The following SLAIN1 variants were observed in gnomAD, a reference collection of about 807,000 sequenced individuals.
The protein encoded by SLAIN1 is SLAIN family member 1.
A neutral mutation model predicts 55.4 loss-of-function variants in SLAIN1; 17 were observed. That is an observed-to-expected ratio of 0.31 (90% CI 0.21 to 0.46). The LOEUF is 0.46. Ranked by LOEUF, SLAIN1 falls within the 20% of genes least tolerant of loss-of-function variation. The probability of loss-of-function intolerance (pLI) is 1.00; values close to 1 mark genes in which losing one functional copy is unlikely to be tolerated. For synonymous variants in SLAIN1, 348 were observed against 337.4 expected (o/e 1.03, Z -0.35); for missense variants, 682 against 785.1 (o/e 0.87, Z 1.57).
At chr13:77,745,345 C>G (rs971920497) in intron 3 of SLAIN1, among the ~76,000 whole-genome samples, 2 of 151,980 alleles carry the variant, frequency 1.3e-5, no homozygotes, top group Non-Finnish European at 2.9e-5. Flanking sequence ...AATGTTACCA[C>G]TGGGGGAAAC....
intron 1 of SLAIN1, among the ~76,000 whole-genome samples, chr13:77,700,866 A>G (rs1308052315): frequency 2.0e-5 from 3 of 152,190 alleles, no homozygotes; most frequent in Non-Finnish European, 4.4e-5. Flanking sequence ...AAACTAAAAC[A>G]TAGATGTAGG....
Position 77,698,126 on chromosome 13 carries a change from C to G in SLAIN1, c.213C>G (p.Pro71=). Residue 71 remains proline, a synonymous_variant, in exon 1 of 7, where the codon CCC becomes CCG. Transcript: ENST00000418532. The surrounding 1 kb of genome is among the most constrained non-coding windows in gnomAD (Gnocchi z 4.1). ...CGCCGCCGCCGCCCGCCGCGCCGCC[C>G]CCCGCTGGCCTGCAGCCTTTGGGTC... ...LLPPPPPAAP[P]PAGLQPLGPR... 6 of 988,064 alleles carry G rather than the reference C, an allele frequency of 6.1e-6. No individual in the cohort carries two copies. Among genetic ancestry groups the G allele is most frequent in the Non-Finnish European group, 7.0e-6 (6 of 861,692 alleles). The allele number at this position is 988,064 out of a possible 1,614,324, so 61.2% of individuals were successfully genotyped here.
At chr13:77,717,510 CT>C (rs1312083455) in intron 1 of SLAIN1, among the ~76,000 whole-genome samples, 2 of 151,918 alleles carry the variant, frequency 1.3e-5, no homozygotes, top group African/African-American at 4.8e-5. Context: ...TTACTTTTAA[CT>C]TATTTGTTTG....
At chr13:77,714,176 A>C (rs2091183052) in intron 1 of SLAIN1, among the ~76,000 whole-genome samples, 1 of 110,376 alleles carries the variant, frequency 9.1e-6, no homozygotes, top group Non-Finnish European at 1.8e-5. Flanking sequence ...TATAGTAATA[A>C]AAAAATAAGG....
intron 2 of SLAIN1, among the ~76,000 whole-genome samples, chr13:77,736,431 C>T (rs1056626087): frequency 5.9e-5 from 9 of 151,994 alleles, no homozygotes; most frequent in African/African-American, 2.2e-4. Flanking sequence ...TTTCTTTTTC[C>T]TTAGACTCTT....
chr13:77,734,312 C>A (rs374894892), intron 2 of SLAIN1, among the ~76,000 whole-genome samples: 55 of 151,952 alleles, frequency 3.6e-4, no homozygotes, highest in Non-Finnish European at 3.2e-4. Flanking sequence ...TTAGGCCATT[C>A]GGTAACTGGT....
In SLAIN1 at chr13:77,730,662, T is replaced by G. The variant is rs1402730719; in HGVS notation, c.766+10991T>G. On this transcript the variant is annotated intron_variant, in intron 2 of 6. Transcript: ENST00000418532. ...AGCTCTTGTCAATTTGTGAGTTTAA[T>G]TTTTTTCTACTGTCATAGTTGTAAG... Among the ~76,000 whole-genome samples the G allele has an allele frequency of 2.0e-5, 3 of 152,194 alleles. No individual in the cohort carries two copies. The East Asian group carries it at 5.8e-4, about 29-fold the overall frequency.
At chr13:77,746,897 T>C in intron 4 of SLAIN1, 42 bp downstream of exon 4, 1 of 1,486,566 alleles carries the variant, frequency 6.7e-7, no homozygotes, top group Non-Finnish European at 9.2e-7. Flanking sequence ...GCTTTAATTT[T>C]TTTATATGTG....
At position 77,744,345 on chromosome 13, in the gene SLAIN1, T is replaced by C. The variant is rs1873669403; in HGVS notation, c.829T>C (p.Ser277Pro). The change falls in exon 3 of 7, where the codon TCA (serine) becomes CCA (proline). Residue 277 changes from serine (S) to proline (P), a missense_variant. Transcript: ENST00000418532. ...QSSIDSELST[S>P]ELEDDSISMG... Reference sequence around the variant, plus strand: ...ATCTATCGACAGTGAGCTGAGTACTTCAGAATTGGAGGATGATTCTATCTC... The same window carrying C: ...ATCTATCGACAGTGAGCTGAGTACTCCAGAATTGGAGGATGATTCTATCTC... 4 of 1,612,882 alleles carry C rather than the reference T, an allele frequency of 2.5e-6. No homozygotes were observed. The highest frequency in any genetic ancestry group is 3.4e-6 in the Non-Finnish European group (4 of 1,179,274).
chr13:77,752,033 ACT>A (rs1156759500), intron 4 of SLAIN1, among the ~76,000 whole-genome samples: 4 of 148,822 alleles, frequency 2.7e-5, no homozygotes, highest in African/African-American at 9.9e-5. Flanking sequence ...TCTGTATGTG[ACT>A]CTCTGCTGCC....
rs143441010 is a variant in SLAIN1 at position 77,733,768 on chromosome 13, A to G, written c.767-10515A>G. ...GTACTGTGAACATCTGCTTCAAAGT[A>G]GTAGGACTTCCTAGACCCCATATGC... On this transcript the variant is annotated intron_variant, in intron 2 of 6. Coordinates refer to ENST00000418532, the MANE Select transcript of SLAIN1 (RefSeq NM_001242868.2). Among the ~76,000 whole-genome samples the G allele has an allele frequency of 8.5e-5, 13 of 152,290 alleles. No homozygotes were observed. In the East Asian group the frequency reaches 2.3e-3, roughly 27 times the overall value.
intron 2 of SLAIN1, among the ~76,000 whole-genome samples, chr13:77,729,523 T>A (rs943074772): frequency 6.6e-6 from 1 of 150,842 alleles, no homozygotes; most frequent in African/African-American, 2.4e-5. Flanking sequence ...TTTTGGTAGG[T>A]GTTGGTACCT....
chr13:77,718,596 T>C (rs537628767), intron 1 of SLAIN1, among the ~76,000 whole-genome samples: 1 of 152,324 alleles, frequency 6.6e-6, no homozygotes, highest in South Asian at 2.1e-4. Flanking sequence ...TAATGAAGTA[T>C]GTTATTTCAA....
intron 1 of SLAIN1, among the ~76,000 whole-genome samples, chr13:77,719,071 C>T (rs1217831470): frequency 3.9e-5 from 6 of 152,038 alleles, no homozygotes; most frequent in South Asian, 2.1e-4. Context: ...CTGGCTTTTA[C>T]GGGTGTTTAG....
intron 6 of SLAIN1, 64 bp downstream of exon 6, chr13:77,761,174 G>T (rs749991529): frequency 5.9e-6 from 9 of 1,517,408 alleles, no homozygotes; most frequent in Non-Finnish European, 7.2e-6. Flanking sequence ...CCAGACACAC[G>T]CTGACTTTTC....
chr13:77,725,709 T>C (rs1487903250), intron 2 of SLAIN1, among the ~76,000 whole-genome samples: 2 of 152,106 alleles, frequency 1.3e-5, no homozygotes, highest in African/African-American at 4.8e-5. Flanking sequence ...GCAGAGCTGG[T>C]CTTAAACCCT....
rs539743270 is a variant in SLAIN1, at chr13:77,712,740, C to T, written c.627-6792C>T. The stretch of plus-strand genomic sequence containing the variant: ...ATTTCATATGGAACCAAAAAAGAGC[C>T]CATATAGCCAAGACAATCCTAAGCA... On this transcript the variant is annotated intron_variant, in intron 1 of 6. Coordinates refer to ENST00000418532, the MANE Select transcript of SLAIN1 (RefSeq NM_001242868.2). Among the ~76,000 whole-genome samples the T allele has an allele frequency of 5.3e-5, 8 of 152,176 alleles. No homozygotes were observed. In the South Asian group the frequency reaches 1.5e-3, roughly 28 times the overall value.
chr13:77,715,335 C>T (rs1192614617), intron 1 of SLAIN1, among the ~76,000 whole-genome samples: 1 of 152,176 alleles, frequency 6.6e-6, no homozygotes, highest in East Asian at 1.9e-4. Context: ...TGTTTATCCA[C>T]TCATCTTTTG....
intron 2 of SLAIN1, among the ~76,000 whole-genome samples, chr13:77,726,174 T>TC (rs146298657): frequency 8.9e-4 from 136 of 152,318 alleles, no homozygotes; most frequent in Non-Finnish European, 1.6e-3. Context: ...AGTTTTTTTT[T>TC]CTGAAGAAAA....
Sources: gnomAD v4.1 joint callset for allele counts (sites outside exome capture counted in the v4.1 genomes callset) on GRCh38, gnomAD v4.1.1 for gene constraint, Gnocchi (gnomAD v3.1) non-coding constraint, MANE v1.5 for transcripts, NCBI Gene and HGNC (gene_info 2026-07-23, HGNC 2026-07-21) for gene names.